Variants in SLC5A1 observed in about 807,000 individuals in gnomAD.
SLC5A1 encodes sodium/glucose cotransporter 1.
A neutral mutation model predicts 73.5 loss-of-function variants in SLC5A1; 42 were observed. That is an observed-to-expected ratio of 0.57 (90% CI 0.45 to 0.74). SLC5A1 has a LOEUF of 0.74. Ranked by LOEUF, SLC5A1 falls within the 30% of genes least tolerant of loss-of-function variation. The pLI is 0.00. For synonymous variants in SLC5A1, 300 were observed against 317.4 expected (o/e 0.95, Z 0.58); for missense variants, 634 against 855.4 (o/e 0.74, Z 3.23).
rs373203939 is a variant in SLC5A1 at position 32,068,527 on chromosome 22, G to A, written c.404G>A (p.Arg135Gln). The change falls in exon 5 of 15, where the codon CGG becomes CAG. Residue 135 changes from arginine to glutamine, a missense_variant. Arg to Gln is a conservative substitution (Grantham distance 43). Coordinates refer to ENST00000266088, the MANE Select transcript of SLC5A1 (RefSeq NM_000343.4). ...ACAATGCCAGAGTACCTGAGGAAGC[G>A]GTTTGGAGGCCAGCGGATCCAGGTC... ...VVTMPEYLRK[R>Q]FGGQRIQVYL... 5.6e-6 allele frequency: 9 copies of A among 1,613,908 alleles called. No individual in the cohort carries two copies. The African/African-American group carries it at 6.7e-5, about 12-fold the overall frequency.
intron 14 of SLC5A1, among the ~76,000 whole-genome samples, chr22:32,108,320 C>T (rs1036613500): frequency 7.9e-5 from 12 of 152,216 alleles, no homozygotes; most frequent in African/African-American, 2.4e-4. Flanking sequence ...CCAGGATAGT[C>T]TCGATCTCCT....
chr22:32,067,876 A>G (rs924923244), intron 3 of SLC5A1, 91 bp from the exon 4 acceptor site: 22 of 1,332,304 alleles, frequency 1.7e-5, no homozygotes, highest in Non-Finnish European at 2.4e-5. Context: ...CATGCTGGGT[A>G]ATTTTTCTGC....
intron 10 of SLC5A1, 140 bp downstream of exon 10, chr22:32,086,467 G>A (rs905325459): frequency 1.7e-5 from 12 of 696,692 alleles, no homozygotes; most frequent in Admixed American, 8.4e-5. Context: ...CATTGTGGGT[G>A]TCCTCAGTTT....
At chr22:32,104,733 G>C (rs777395332) in intron 13 of SLC5A1, 53 bp from the exon 14 acceptor site, 14 of 1,450,336 alleles carry the variant, frequency 9.7e-6, no homozygotes, top group African/African-American at 8.4e-5. Flanking sequence ...CCAACTTCTT[G>C]TCCCAAGATG....
chr22:32,079,953 A>G (rs1019559051), intron 5 of SLC5A1, among the ~76,000 whole-genome samples: 2 of 152,174 alleles, frequency 1.3e-5, no homozygotes, highest in Non-Finnish European at 2.9e-5. Flanking sequence ...AGAACCCGGG[A>G]GAAGAATGCT....
intron 9 of SLC5A1, 102 bp downstream of exon 9, chr22:32,085,137 A>C (rs2094006071): frequency 1.5e-6 from 2 of 1,364,076 alleles, no homozygotes; most frequent in African/African-American, 2.9e-5. Context: ...TTTTTTTGAG[A>C]CCAGGTCTCA....
chr22:32,084,924 G>A lies in SLC5A1; in HGVS notation c.910G>A (p.Ala304Thr). Residue 304 changes from alanine to threonine, a missense_variant, in exon 9 of 15, where the codon GCC (alanine) becomes ACC (threonine). By Grantham distance (58) the Ala-to-Thr change is moderately conservative. Transcript: ENST00000266088. ...GGTCATTGTGCAGCGCTGCCTCTCA[G>A]CCAAGAATATGTCTCACGTGAAGGG... ...DQVIVQRCLS[A>T]KNMSHVKGGC... is the part of the protein sequence containing the mutation. 1 of 1,614,190 alleles carries A rather than the reference G, an allele frequency of 6.2e-7. No individual in the cohort carries two copies. The highest frequency in any genetic ancestry group is 8.5e-7 in the Non-Finnish European group (1 of 1,180,040).
Position 32,091,779 on chromosome 22 carries a change from C to T in SLC5A1, c.1280+17C>T, listed in dbSNP as rs1398624831. The T allele has an allele frequency of 1.1e-5, 18 of 1,613,226 alleles. No individual in the cohort carries two copies. The highest frequency in any genetic ancestry group is 1.4e-5 in the Non-Finnish European group (17 of 1,179,704). On this transcript the variant is annotated intron_variant, in intron 11 of 14. Coordinates refer to ENST00000266088, the MANE Select transcript of SLC5A1 (RefSeq NM_000343.4). ...TGCCGGAAGGTAAATGCAGCTTCCC[C>T]CAAGCCACAAAAGCTTGAATGATCA...
At chr22:32,088,837 C>T (rs2094012315) in intron 10 of SLC5A1, among the ~76,000 whole-genome samples, 1 of 152,154 alleles carries the variant, frequency 6.6e-6, no homozygotes, top group Admixed American at 6.5e-5. Context: ...TGCTCCTTTT[C>T]ATTCCATTTG....
chr22:32,102,281 C>A, intron 13 of SLC5A1, 44 bp downstream of exon 13: 1 of 1,407,340 alleles, frequency 7.1e-7, no homozygotes, highest in Non-Finnish European at 1.0e-6. Flanking sequence ...CATGTTCACA[C>A]TGCAATGTTC....
chr22:32,104,785 G>C lies in SLC5A1; in HGVS notation c.1666-1G>C, dbSNP rs765999654. 1.2e-6 allele frequency: 2 copies of C among 1,613,528 alleles called. No individual in the cohort carries two copies. Among genetic ancestry groups the C allele is most frequent in the Non-Finnish European group, 1.7e-6 (2 of 1,179,560 alleles). ...GTTGACCTGTTCTGCCTTCTCTGCA[G>C]CTCTACCGTCTGTGTTGGAGCCTGC... is the stretch of plus-strand genomic sequence containing the variant. On this transcript the variant is annotated splice_acceptor_variant, in intron 13 of 14. Transcript: ENST00000266088. LOFTEE classifies it high-confidence loss of function.
chr22:32,059,341 T>C (rs2093956776), intron 2 of SLC5A1: 2 of 985,592 alleles, frequency 2.0e-6, no homozygotes, highest in Non-Finnish European at 2.4e-6. Context: ...AGACAACACA[T>C]GAGGTAAGAG....
At chr22:32,081,730 T>C (rs898365719) in intron 5 of SLC5A1, 136 bp from the exon 6 acceptor site, 3 of 737,404 alleles carry the variant, frequency 4.1e-6, no homozygotes, top group East Asian at 4.9e-5. Flanking sequence ...TTTTTGACCA[T>C]GGAATTCTTT....
intron 5 of SLC5A1, among the ~76,000 whole-genome samples, chr22:32,070,725 AAC>A (rs779962993): frequency 2.0e-5 from 3 of 152,196 alleles, no homozygotes; most frequent in Non-Finnish European, 4.4e-5. Context: ...ACAATAAAAA[AAC>A]ACAAAACAAT....
intron 5 of SLC5A1, among the ~76,000 whole-genome samples, chr22:32,076,007 T>TTG (rs1289814264): frequency 4.6e-5 from 7 of 151,664 alleles, no homozygotes; most frequent in Non-Finnish European, 7.4e-5. Flanking sequence ...GATTCACCAA[T>TTG]TGTGTGTGTG....
chr22:32,064,205 G>A (rs751127420), intron 2 of SLC5A1, among the ~76,000 whole-genome samples: 1 of 152,136 alleles, frequency 6.6e-6, no homozygotes, highest in Non-Finnish European at 1.5e-5. Context: ...GATTAAAAGT[G>A]GACTGTTAGG....
At chr22:32,057,546 A>G (rs1267828762) in intron 2 of SLC5A1, among the ~76,000 whole-genome samples, 2 of 152,180 alleles carry the variant, frequency 1.3e-5, no homozygotes, top group Admixed American at 6.5e-5. Context: ...CATTACAGGC[A>G]TAAGCTACCG....
intron 5 of SLC5A1, among the ~76,000 whole-genome samples, chr22:32,074,562 A>G (rs1418586993): frequency 6.6e-6 from 1 of 152,106 alleles, no homozygotes; most frequent in Non-Finnish European, 1.5e-5. Context: ...TGATTTCTCC[A>G]GCCTTCCCAG....
At chr22:32,066,318 G>C (rs1201520229) in intron 2 of SLC5A1, among the ~76,000 whole-genome samples, 1 of 152,150 alleles carries the variant, frequency 6.6e-6, no homozygotes, top group African/African-American at 2.4e-5. Context: ...TATCAATACT[G>C]TATGATCTAG....
Sources: allele counts gnomAD v4.1 joint callset (sites outside exome capture counted in the v4.1 genomes callset), GRCh38; gene constraint gnomAD v4.1.1; transcripts MANE v1.5; gene names NCBI Gene and HGNC (gene_info 2026-07-23, HGNC 2026-07-21).